DOK6: variants seen among roughly 807,000 people sequenced by gnomAD.
DOK6 encodes the protein docking protein 6.
DOK6 carries 22 observed loss-of-function variants against 44.0 expected under a neutral mutation model. The ratio of observed to expected loss-of-function variants is 0.50; its 90% CI spans 0.36 to 0.71. The LOEUF is 0.71. Ranked by LOEUF, DOK6 falls within the 30% of genes least tolerant of loss-of-function variation. The pLI, the probability that DOK6 is intolerant of heterozygous loss-of-function variation, is 0.00. For synonymous variants in DOK6, 166 were observed against 145.5 expected, an observed-to-expected ratio of 1.14 and a Z score of -1.01; for missense variants, 340 against 416.4, an observed-to-expected ratio of 0.82 and a Z score of 1.60.
intron 5 of DOK6, among the ~76,000 whole-genome samples, chr18:69,735,373 C>G (rs1978569522): frequency 6.6e-6 from 1 of 152,130 alleles, no homozygotes; most frequent in Admixed American, 6.6e-5. Flanking sequence ...CTAGAAGACT[C>G]ACAAGACTCA....
At chr18:69,797,186 GA>G (rs1327774689) in intron 7 of DOK6, among the ~76,000 whole-genome samples, 1 of 152,122 alleles carries the variant, frequency 6.6e-6, no homozygotes, top group Non-Finnish European at 1.5e-5. Context: ...CCGAAAGGAA[GA>G]ATATAAATGA....
intron 7 of DOK6, among the ~76,000 whole-genome samples, chr18:69,791,790 C>G (rs553971547): frequency 1.3e-5 from 2 of 152,136 alleles, no homozygotes; most frequent in Admixed American, 1.3e-4. Flanking sequence ...CTTGGGTTGT[C>G]TGTGTTTGTG....
chr18:69,442,212 A>G (rs1055992477), intron 1 of DOK6, among the ~76,000 whole-genome samples: 11 of 152,286 alleles, frequency 7.2e-5, no homozygotes, highest in African/African-American at 2.2e-4. Flanking sequence ...ATTTGAAAGC[A>G]TATTTTATGT....
At chr18:69,535,404 C>A (rs890027409) in intron 1 of DOK6, among the ~76,000 whole-genome samples, 71 of 151,990 alleles carry the variant, frequency 4.7e-4, no homozygotes, top group African/African-American at 1.7e-3. Context: ...TTCCTGAAAT[C>A]TCTGTAATTC....
intron 1 of DOK6, among the ~76,000 whole-genome samples, chr18:69,548,183 G>A (rs1982461003): frequency 6.6e-6 from 1 of 150,816 alleles, no homozygotes. Context: ...TCGATCTCCT[G>A]ACCTCATGAT....
At position 69,440,151 on chromosome 18, in the gene DOK6, G is replaced by T. The variant is rs904065858; in HGVS notation, c.66+38841G>T. Among the ~76,000 whole-genome samples the T allele has an allele frequency of 3.1e-4, 47 of 152,248 alleles. No individual in the cohort carries two copies. The Middle Eastern group carries it at 0.01, about 33-fold the overall frequency. ...GAGGGAGAGAAGTGGGAAATGGCTG[G>T]TCAGTGACATCAGAACACACACAAC... On this transcript the variant is annotated intron_variant, in intron 1 of 7. Transcript: ENST00000382713.
intron 1 of DOK6, among the ~76,000 whole-genome samples, chr18:69,563,766 C>T (rs987313814): frequency 1.1e-4 from 16 of 151,672 alleles, no homozygotes; most frequent in Non-Finnish European, 1.9e-4. Flanking sequence ...CAAACCTGCC[C>T]ATTGTGCGCA....
At chr18:69,780,810 T>C (rs575647286) in intron 7 of DOK6, among the ~76,000 whole-genome samples, 1 of 152,348 alleles carries the variant, frequency 6.6e-6, no homozygotes, top group African/African-American at 2.4e-5. Context: ...GTGAAAATCA[T>C]GTGACCATGT....
At chr18:69,508,897 T>C (rs1981269373) in intron 1 of DOK6, among the ~76,000 whole-genome samples, 1 of 152,220 alleles carries the variant, frequency 6.6e-6, no homozygotes, top group Non-Finnish European at 1.5e-5. Context: ...TTGACCACTG[T>C]GGAGGAAAAG....
At chr18:69,531,259 C>CAT (rs201275955) in intron 1 of DOK6, among the ~76,000 whole-genome samples, 129 of 145,810 alleles carry the variant, frequency 8.8e-4, no homozygotes, top group South Asian at 4.3e-3. Flanking sequence ...TATATACTTA[C>CAT]ATATATATAT....
intron 1 of DOK6, among the ~76,000 whole-genome samples, chr18:69,447,028 T>A (rs926496257): frequency 1.3e-5 from 2 of 152,246 alleles, no homozygotes; most frequent in African/African-American, 4.8e-5. Context: ...GATGGTAGTT[T>A]CTTTTGCTGT....
chr18:69,532,876 T>C (rs1982023844), intron 1 of DOK6: 1 of 152,098 alleles, frequency 6.6e-6, no homozygotes, highest in Admixed American at 6.6e-5. Context: ...CAAAAAAAGA[T>C]ATTTATGGAA....
chr18:69,739,144 A>T (rs1978717159), intron 6 of DOK6, 41 bp downstream of exon 6: 1 of 1,609,458 alleles, frequency 6.2e-7, no homozygotes, highest in African/African-American at 1.3e-5. Flanking sequence ...TTGGAAATGA[A>T]TGTCACTGGG....
At chr18:69,653,468 G>C (rs1985284999) in intron 3 of DOK6, among the ~76,000 whole-genome samples, 2 of 152,106 alleles carry the variant, frequency 1.3e-5, no homozygotes, top group Admixed American at 1.3e-4. Flanking sequence ...TCACTAAGGG[G>C]CTGAAGAAGC....
chr18:69,549,118 A>C (rs1002184391), intron 1 of DOK6, among the ~76,000 whole-genome samples: 3 of 150,116 alleles, frequency 2.0e-5, no homozygotes, highest in South Asian at 4.2e-4. Context: ...ACAACAACAA[A>C]AAATTTCTAC....
chr18:69,553,098 T>C (rs1181375065), intron 1 of DOK6, among the ~76,000 whole-genome samples: 1 of 152,254 alleles, frequency 6.6e-6, no homozygotes, highest in African/African-American at 2.4e-5. Flanking sequence ...GATTTTAAAA[T>C]ATCAATTTCT....
At chr18:69,720,342 C>A (rs1380143441) in intron 5 of DOK6, among the ~76,000 whole-genome samples, 1 of 152,172 alleles carries the variant, frequency 6.6e-6, no homozygotes, top group East Asian at 1.9e-4. Flanking sequence ...TGATCACCAT[C>A]AGGGAATGTA....
chr18:69,653,458 T>A (rs1447490315), intron 3 of DOK6, among the ~76,000 whole-genome samples: 2 of 152,094 alleles, frequency 1.3e-5, no homozygotes, highest in African/African-American at 4.8e-5. Flanking sequence ...TGGTAGGTAA[T>A]CACTAAGGGG....
intron 5 of DOK6, among the ~76,000 whole-genome samples, chr18:69,716,720 T>A (rs1031022408): frequency 5.3e-5 from 8 of 150,922 alleles, no homozygotes; most frequent in Non-Finnish European, 1.2e-4. Context: ...AAAAGTCTTC[T>A]GGTTACCTAT....
Sources: gnomAD v4.1 joint callset for allele counts (sites outside exome capture counted in the v4.1 genomes callset) on GRCh38, gnomAD v4.1.1 for gene constraint, MANE v1.5 for transcripts, NCBI Gene and HGNC (gene_info 2026-07-23, HGNC 2026-07-21) for gene names.